HIPK2: variants seen among roughly 807,000 people sequenced by gnomAD.
HIPK2 encodes the protein homeodomain-interacting protein kinase 2.
A neutral mutation model predicts 113.7 loss-of-function variants in HIPK2; 27 were observed. The observed-to-expected ratio is 0.24, with a 90% confidence interval of 0.17 to 0.33. The LOEUF (loss-of-function observed/expected upper bound fraction) is 0.33. Among genes scored for constraint, HIPK2 ranks in the 10% least tolerant of loss-of-function variants. HIPK2 has a pLI of 1.00. For missense variants in HIPK2, 1,257 were observed against 1,588.0 expected (o/e 0.79, Z 3.54); for synonymous variants, 631 against 642.2 (o/e 0.98, Z 0.26).
At chr7:139,628,724 A>G (rs538108504) in intron 5 of HIPK2, among the ~76,000 whole-genome samples, 1 of 152,206 alleles carries the variant, frequency 6.6e-6, no homozygotes, top group Non-Finnish European at 1.5e-5. Context: ...ATGAGCCACC[A>G]TGCCTGGCCA....
intron 1 of HIPK2, among the ~76,000 whole-genome samples, chr7:139,772,943 TAAA>T: frequency 7.0e-6 from 1 of 142,842 alleles, no homozygotes; most frequent in African/African-American, 2.6e-5. Context: ...GAACTGCCAC[TAAA>T]AAAAAAAAGG....
chr7:139,679,492 T>A (rs544571530), intron 2 of HIPK2, among the ~76,000 whole-genome samples: 25 of 152,284 alleles, frequency 1.6e-4, no homozygotes, highest in African/African-American at 5.8e-4. Context: ...TTAGGAACAC[T>A]ATATGCTCAG....
chr7:139,577,013 C>A (rs189711317), intron 13 of HIPK2, among the ~76,000 whole-genome samples: 1 of 152,160 alleles, frequency 6.6e-6, no homozygotes, highest in Non-Finnish European at 1.5e-5. Context: ...TATTAATACA[C>A]ACCTAAATGA....
intron 2 of HIPK2, among the ~76,000 whole-genome samples, chr7:139,678,291 T>C (rs946854915): frequency 2.0e-5 from 3 of 152,252 alleles, no homozygotes; most frequent in African/African-American, 7.2e-5. Context: ...ATGAAGTCTT[T>C]GCCATGCCTA....
intron 2 of HIPK2, among the ~76,000 whole-genome samples, chr7:139,697,148 G>C (rs986327268): frequency 2.0e-5 from 3 of 152,142 alleles, no homozygotes; most frequent in African/African-American, 7.2e-5. Context: ...GTAAGACAGA[G>C]AGAGCACCCA....
chr7:139,573,447 G>A (rs1253711397), intron 14 of HIPK2, 50 bp from the exon 15 acceptor site: 1 of 1,550,090 alleles, frequency 6.5e-7, no homozygotes, highest in Non-Finnish European at 8.8e-7. Flanking sequence ...CACATGGGGA[G>A]GAAGGAATGG....
At chr7:139,638,217 T>A (rs1166786284) in intron 2 of HIPK2, among the ~76,000 whole-genome samples, 1 of 152,172 alleles carries the variant, frequency 6.6e-6, no homozygotes, top group African/African-American at 2.4e-5. Flanking sequence ...CACCTGCTGC[T>A]CTCTTGCCTT....
rs1304853161 is a variant in HIPK2, at chr7:139,569,881, A to G, written c.*3046T>C. On this transcript the variant is annotated 3_prime_UTR_variant, in exon 15 of 15. Coordinates refer to ENST00000406875, the MANE Select transcript of HIPK2 (RefSeq NM_022740.5). ...ATGTGCATTTAAAACCCTGACTAAA[A>G]TATCAACATAATGATCATAATTACA... The G allele has an allele frequency of 6.6e-6, 1 of 152,200 alleles. No homozygotes were observed. Among genetic ancestry groups the G allele is most frequent in the East Asian group, 1.9e-4 (1 of 5,200 alleles). The allele number at this position is 152,200 out of a possible 1,614,324, so 9.4% of individuals were successfully genotyped here. A position where few individuals can be genotyped will look rare whatever the true frequency, so the allele number is the denominator to read the frequency against.
At position 139,563,791 on chromosome 7, in the gene HIPK2, AT is replaced by A. The variant is rs1341673345; in HGVS notation, c.*9135del. 3 of 398,518 alleles carry A rather than the reference AT, an allele frequency of 7.5e-6. No homozygotes were observed. The South Asian group carries it at 3.8e-4, about 51-fold the overall frequency. 24.7% of individuals were successfully genotyped at this position (398,518 alleles called of 1,614,324 possible). ...AAAAGCAAATGTGGTATTTTTTTGT[AT>A]TTTTTAAAAGCTCCCTGGTCCCAGG... is the stretch of plus-strand genomic sequence containing the variant. On this transcript the variant is annotated 3_prime_UTR_variant, in exon 15 of 15. Coordinates refer to ENST00000406875, the MANE Select transcript of HIPK2 (RefSeq NM_022740.5).
intron 1 of HIPK2, among the ~76,000 whole-genome samples, chr7:139,766,328 T>G (rs540758503): frequency 6.6e-6 from 1 of 152,234 alleles, no homozygotes; most frequent in Non-Finnish European, 1.5e-5. Flanking sequence ...TGTTTTTCCT[T>G]AGAGGTCTCA....
Position 139,602,116 on chromosome 7 carries a change from C to A in HIPK2, c.2256-1520G>T, listed in dbSNP as rs182130573. 4.1e-3 allele frequency among the ~76,000 whole-genome samples: 622 copies of A among 152,134 alleles called. 2 individuals carry two copies. The highest frequency in any genetic ancestry group is 6.9e-3 in the Non-Finnish European group (472 of 67,996). On this transcript the variant is annotated intron_variant, in intron 10 of 14. Transcript: ENST00000406875. ...TACAGGCGTGCACTGCCACGCCCAG[C>A]TAATTTTTGTATTTTTAGTAGAGGC... is the stretch of plus-strand genomic sequence containing the variant.
At chr7:139,707,019 T>G (rs1794919871) in intron 2 of HIPK2, among the ~76,000 whole-genome samples, 1 of 152,156 alleles carries the variant, frequency 6.6e-6, no homozygotes, top group East Asian at 1.9e-4. Context: ...GTTAACACCC[T>G]GGGGAGCCCT....
chr7:139,650,754 C>A (rs1801429751), intron 2 of HIPK2, among the ~76,000 whole-genome samples: 1 of 152,248 alleles, frequency 6.6e-6, no homozygotes, highest in African/African-American at 2.4e-5. Flanking sequence ...TGGAAGAGGA[C>A]CCTCAATGGC....
chr7:139,773,634 G>A (rs184318631), intron 1 of HIPK2, among the ~76,000 whole-genome samples: 1 of 152,318 alleles, frequency 6.6e-6, no homozygotes, highest in East Asian at 1.9e-4. Context: ...AGAGAGAGAT[G>A]AAGAAATATA....
intron 10 of HIPK2, among the ~76,000 whole-genome samples, chr7:139,603,521 A>T (rs770416141): frequency 6.6e-6 from 1 of 151,700 alleles, no homozygotes; most frequent in Non-Finnish European, 1.5e-5. Flanking sequence ...TGGGAAGTAG[A>T]CTCTGATCTG....
intron 1 of HIPK2, among the ~76,000 whole-genome samples, chr7:139,727,980 C>T (rs1038149816): frequency 1.2e-4 from 17 of 146,720 alleles, no homozygotes; most frequent in African/African-American, 4.1e-4. Context: ...CTCACTGTCA[C>T]CCAGGCTGGA....
chr7:139,729,409 C>A (rs1322711606), intron 1 of HIPK2, among the ~76,000 whole-genome samples: 2 of 146,696 alleles, frequency 1.4e-5, no homozygotes, highest in Admixed American at 1.4e-4. Context: ...ATTAATAACA[C>A]AAAAACTAGG....
Position 139,626,605 on chromosome 7 carries a change from T to G in HIPK2, c.1615A>C (p.Thr539Pro), listed in dbSNP as rs1800439663. 1 of 1,613,284 alleles carries G rather than the reference T, an allele frequency of 6.2e-7. No individual in the cohort carries two copies. ...MTHLLDFPHS[T>P]HVKSCFQNME... ...AGCATCAGGCAGGACACCTACTGTG[T>G]GCTGTGGGGAAAATCGAGTAAGTGT... Residue 539 changes from threonine (T) to proline (P), a missense_variant, in exon 6 of 15, where the codon ACA (threonine) becomes CCA (proline). Physicochemically the swap from Thr to Pro is conservative, Grantham distance 38. This residue lies in a region of HIPK2 where 862 missense variants were observed against 1,004.3 expected (regional missense o/e 0.86). Transcript: ENST00000406875.
chr7:139,761,726 C>G (rs1007344927), intron 1 of HIPK2, among the ~76,000 whole-genome samples: 5 of 152,082 alleles, frequency 3.3e-5, no homozygotes, highest in African/African-American at 1.2e-4. Flanking sequence ...GACAAACCAG[C>G]CTTGAAGGGT....
Sources: gnomAD v4.1 joint callset for allele counts (sites outside exome capture counted in the v4.1 genomes callset) on GRCh38, gnomAD v4.1.1 for gene constraint, gnomAD v4.1.1 regional missense constraint, MANE v1.5 for transcripts, NCBI Gene and HGNC (gene_info 2026-07-23, HGNC 2026-07-21) for gene names.